Variants in PPP2R2C observed in about 807,000 individuals in gnomAD.
The protein encoded by PPP2R2C is protein phosphatase 2 regulatory subunit Bgamma.
A neutral mutation model predicts 45.3 loss-of-function variants in PPP2R2C; 10 were observed. That is an observed-to-expected ratio of 0.22 (90% CI 0.14 to 0.37). The LOEUF is 0.37. Among genes scored for constraint, PPP2R2C ranks in the 10% least tolerant of loss-of-function variants. PPP2R2C has a pLI of 1.00. For synonymous variants in PPP2R2C, 257 were observed against 245.4 expected (o/e 1.05, Z -0.44); for missense variants, 308 against 619.7 (o/e 0.50, Z 5.34).
intron 5 of PPP2R2C, among the ~76,000 whole-genome samples, chr4:6,365,684 C>T (rs1270694689): frequency 6.6e-6 from 1 of 152,210 alleles, no homozygotes; most frequent in Non-Finnish European, 1.5e-5. Context: ...CAGGCATGGG[C>T]TGATGAAGGT....
chr4:6,346,371 A>ATC (rs1291641986), intron 6 of PPP2R2C, among the ~76,000 whole-genome samples: 1 of 152,020 alleles, frequency 6.6e-6, no homozygotes, highest in African/African-American at 2.4e-5. Flanking sequence ...TTCCCCAGAG[A>ATC]TCGGCACCAC....
chr4:6,334,633 C>T (rs1236968493), intron 6 of PPP2R2C, among the ~76,000 whole-genome samples: 1 of 152,172 alleles, frequency 6.6e-6, no homozygotes, highest in Non-Finnish European at 1.5e-5. Flanking sequence ...CAGGCACTAA[C>T]TCCCTAGGAC....
At chr4:6,404,119 G>A (rs925012414) in intron 1 of PPP2R2C, among the ~76,000 whole-genome samples, 1 of 152,168 alleles carries the variant, frequency 6.6e-6, no homozygotes, top group Non-Finnish European at 1.5e-5. Flanking sequence ...GTCCCAGGAA[G>A]GGGACTCCTG....
chr4:6,534,649 C>T (rs1463688405), intron 2 of PPP2R2C, among the ~76,000 whole-genome samples: 3 of 151,856 alleles, frequency 2.0e-5, no homozygotes, highest in Admixed American at 6.6e-5. Context: ...ACACACACAG[C>T]CCCAAAGAGA....
At chr4:6,430,189 G>C (rs1412722669) in intron 1 of PPP2R2C, among the ~76,000 whole-genome samples, 1 of 152,194 alleles carries the variant, frequency 6.6e-6, no homozygotes, top group Non-Finnish European at 1.5e-5. Context: ...AAAGCAGCCA[G>C]GACTATGTCC....
At chr4:6,431,305 C>G (rs1392132321) in intron 1 of PPP2R2C, among the ~76,000 whole-genome samples, 1 of 152,204 alleles carries the variant, frequency 6.6e-6, no homozygotes, top group African/African-American at 2.4e-5. Flanking sequence ...TGCTGGCTCT[C>G]CAAACTGAAA....
chr4:6,337,145 T>C (rs1313857356), intron 6 of PPP2R2C, among the ~76,000 whole-genome samples: 4 of 94,962 alleles, frequency 4.2e-5, no homozygotes, highest in African/African-American at 1.4e-4. Flanking sequence ...TATATATATA[T>C]ATATATATAT....
rs4688997 is a variant in PPP2R2C at position 6,375,803 on chromosome 4, C to A, written c.447+16G>T. On this transcript the variant is annotated intron_variant, in intron 4 of 8. Transcript: ENST00000382599. Reference sequence around the variant, plus strand: ...ATAAAGAGGCGTGTGCCTGCTTCCCCCTCACCGGAGCTCACCTGCAGTGAC... The same window carrying A: ...ATAAAGAGGCGTGTGCCTGCTTCCCACTCACCGGAGCTCACCTGCAGTGAC... 3.2e-6 allele frequency: 5 copies of A among 1,582,744 alleles called. No homozygotes were observed. The highest frequency in any genetic ancestry group is 1.4e-5 in the African/African-American group (1 of 73,550).
At chr4:6,526,275 A>C (rs1211964169) in intron 2 of PPP2R2C, among the ~76,000 whole-genome samples, 1 of 152,226 alleles carries the variant, frequency 6.6e-6, no homozygotes, top group Non-Finnish European at 1.5e-5. Flanking sequence ...GTTCATCATA[A>C]ATTCCCTTCC....
chr4:6,530,115 C>G (rs1355289764), intron 2 of PPP2R2C, among the ~76,000 whole-genome samples: 1 of 152,184 alleles, frequency 6.6e-6, no homozygotes, highest in Non-Finnish European at 1.5e-5. Flanking sequence ...AGTAACGATT[C>G]TCGAGGGTTT....
rs887104562 is a variant in PPP2R2C at position 6,563,511 on chromosome 4, G to C, written c.-59+49C>G. 4.6e-5 allele frequency: 7 copies of C among 152,956 alleles called. No individual in the cohort carries two copies. The highest frequency in any genetic ancestry group is 1.7e-4 in the African/African-American group (7 of 41,380). 9.5% of individuals were successfully genotyped at this position (152,956 alleles called of 1,614,324 possible). ...GCTGGGGGTGAGGCGGGGTGGGCGC[G>C]AGGCGGCTCCGGAGCGGCGGGGCCG... On this transcript the variant is annotated intron_variant, in intron 1 of 9. Transcript: ENST00000506140. This position sits in a 1 kb window ranked among gnomAD's most constrained non-coding sequence, Gnocchi z 5.8.
intron 1 of PPP2R2C, among the ~76,000 whole-genome samples, chr4:6,453,135 AC>A: frequency 6.6e-6 from 1 of 152,136 alleles, no homozygotes; most frequent in East Asian, 1.9e-4. Flanking sequence ...GATACACCTA[AC>A]GCCTCATCTC....
intron 5 of PPP2R2C, among the ~76,000 whole-genome samples, chr4:6,366,081 T>C (rs556633770): frequency 2.7e-4 from 41 of 152,344 alleles, no homozygotes; most frequent in Non-Finnish European, 4.9e-4. Flanking sequence ...AGGGATTTTA[T>C]GAGAACCAAT....
chr4:6,430,076 G>T (rs779254473), intron 1 of PPP2R2C, among the ~76,000 whole-genome samples: 1 of 151,972 alleles, frequency 6.6e-6, no homozygotes, highest in African/African-American at 2.4e-5. Flanking sequence ...CTCATAAGTG[G>T]GCCACGATCA....
intron 2 of PPP2R2C, among the ~76,000 whole-genome samples, chr4:6,489,168 G>T (rs1327880901): frequency 6.6e-6 from 1 of 152,202 alleles, no homozygotes; most frequent in Non-Finnish European, 1.5e-5. Context: ...AATCTCTCAA[G>T]GCAGTAAGCT....
chr4:6,452,110 G>C (rs1235861795), intron 1 of PPP2R2C, among the ~76,000 whole-genome samples: 2 of 152,148 alleles, frequency 1.3e-5, no homozygotes, highest in Non-Finnish European at 2.9e-5. Context: ...GGAGGACAGG[G>C]CTGGGAGTGG....
intron 1 of PPP2R2C, among the ~76,000 whole-genome samples, chr4:6,414,883 G>A (rs1158457226): frequency 6.6e-6 from 1 of 152,162 alleles, no homozygotes; most frequent in African/African-American, 2.4e-5. Flanking sequence ...AGCCGCCTGT[G>A]GATGCTCACC....
chr4:6,363,032 G>T (rs1343180932), intron 5 of PPP2R2C, among the ~76,000 whole-genome samples: 1 of 152,194 alleles, frequency 6.6e-6, no homozygotes, highest in Non-Finnish European at 1.5e-5. Context: ...TCAGAACACC[G>T]TGTGACACAG....
At chr4:6,422,049 T>G (rs1719012405) in intron 1 of PPP2R2C, among the ~76,000 whole-genome samples, 1 of 93,100 alleles carries the variant, frequency 1.1e-5, no homozygotes, top group Admixed American at 1.2e-4. Context: ...GGCACATTGG[T>G]GCAATTTTTT....
Sources: allele counts gnomAD v4.1 joint callset (sites outside exome capture counted in the v4.1 genomes callset), GRCh38; gene constraint gnomAD v4.1.1; non-coding constraint Gnocchi (gnomAD v3.1); transcripts MANE v1.5; gene names NCBI Gene and HGNC (gene_info 2026-07-23, HGNC 2026-07-21).